Variants in ZNF227 observed in about 807,000 individuals in gnomAD.
ZNF227 encodes the protein zinc finger protein 227.
Under a neutral mutation model 13.2 loss-of-function variants are expected in ZNF227, and 12 were observed. That is an observed-to-expected ratio of 0.91 (90% CI 0.58 to 1.47). The LOEUF is 1.47. ZNF227 is among the 40% of genes most tolerant of loss of function. The pLI, the probability that ZNF227 is intolerant of heterozygous loss-of-function variation, is 0.00. For missense variants in ZNF227, 885 were observed against 967.5 expected (o/e 0.91, Z 1.13); for synonymous variants, 338 against 326.0 (o/e 1.04, Z -0.40).
upstream of ZNF227, among the ~76,000 whole-genome samples, chr19:44,211,813 CTTT>C (rs1176772105): frequency 5.7e-4 from 68 of 119,604 alleles, no homozygotes; most frequent in African/African-American, 1.9e-3. Context: ...TTCCTCTGCC[CTTT>C]TTTTTTTTTT....
rs770856117 is a variant in ZNF227, at chr19:44,236,395, G to A, written c.1965G>A (p.Thr655=). The A allele has an allele frequency of 3.9e-5, 63 of 1,612,026 alleles. No individual in the cohort carries two copies. The highest frequency in any genetic ancestry group is 4.1e-5 in the Non-Finnish European group (48 of 1,179,504). ...TTCAATCCCATCAGAGAGTCCACAC[G>A]GGGGAAAAGCCATACAAATGTGATG... ...SGLQSHQRVH[T]GEKPYKCDVC... Residue 655 remains threonine, a synonymous_variant, in exon 6 of 6, where the codon ACG becomes ACA. Coordinates refer to ENST00000313040, the MANE Select transcript of ZNF227 (RefSeq NM_182490.3).
intron 3 of ZNF227, among the ~76,000 whole-genome samples, chr19:44,220,238 A>G (rs1327812618): frequency 6.6e-6 from 1 of 152,160 alleles, no homozygotes; most frequent in African/African-American, 2.4e-5. Context: ...CAGAATTAAC[A>G]TATGTGTGCA....
chr19:44,223,638 A>G (rs1425921356), intron 3 of ZNF227, among the ~76,000 whole-genome samples: 4 of 151,974 alleles, frequency 2.6e-5, no homozygotes, highest in Non-Finnish European at 4.4e-5. Flanking sequence ...TATTGGGTCT[A>G]TTTGATTCTT....
chr19:44,228,411 T>G, intron 3 of ZNF227, 35 bp from the exon 4 acceptor site: 1 of 1,592,976 alleles, frequency 6.3e-7, no homozygotes, highest in Non-Finnish European at 8.5e-7. Flanking sequence ...GAAGGTTGGT[T>G]GTAAGATTGA....
At chr19:44,229,427 C>T (rs1233358710) in intron 4 of ZNF227, among the ~76,000 whole-genome samples, 1 of 152,144 alleles carries the variant, frequency 6.6e-6, no homozygotes, top group Non-Finnish European at 1.5e-5. Context: ...TCCTGGCCAA[C>T]ATGGTGAAAC....
At chr19:44,217,472 T>C (rs1250976771) in intron 2 of ZNF227, 1 of 553,388 alleles carries the variant, frequency 1.8e-6, no homozygotes, top group East Asian at 4.4e-5. Context: ...GTTACACAGC[T>C]GGTAAGTATC....
At chr19:44,215,848 C>T (rs140188398) in intron 2 of ZNF227, among the ~76,000 whole-genome samples, 44 of 151,862 alleles carry the variant, frequency 2.9e-4, no homozygotes, top group African/African-American at 6.3e-4. Flanking sequence ...ATTAGCCAGA[C>T]GTGGTGGTGC....
In ZNF227 at chr19:44,237,013, T is replaced by G. The variant is rs1974581750; in HGVS notation, c.*183T>G. Reference sequence around the variant, plus strand: ...ACCATGAACAGGAATAGAACTCGTATTTAGGGGAGAAATAGGGCTGGTGGC... The same window carrying G: ...ACCATGAACAGGAATAGAACTCGTAGTTAGGGGAGAAATAGGGCTGGTGGC... On this transcript the variant is annotated 3_prime_UTR_variant, in exon 6 of 6. Transcript: ENST00000313040. The G allele has an allele frequency of 2.6e-5, 14 of 542,686 alleles. No homozygotes were observed. The highest frequency in any genetic ancestry group is 6.0e-5 in the East Asian group (2 of 33,490). 33.6% of individuals were successfully genotyped at this position (542,686 alleles called of 1,614,324 possible). A position where few individuals can be genotyped will look rare whatever the true frequency, so the allele number is the denominator to read the frequency against.
Position 44,235,962 on chromosome 19 carries a change from A to G in ZNF227, c.1532A>G (p.Gln511Arg). Residue 511 changes from glutamine (Q) to arginine (R), a missense_variant, in exon 6 of 6, where the codon CAG becomes CGG. Gln to Arg is a conservative substitution (Grantham distance 43). Transcript: ENST00000313040. ...CAGGCTTCAAATCTTCAAGTCCATC[A>G]GAATGTCCACACTGGGGAGAAACGA... ...FSQASNLQVH[Q>R]NVHTGEKRFK... 3 of 1,614,034 alleles carry G rather than the reference A, an allele frequency of 1.9e-6. No individual in the cohort carries two copies. Among genetic ancestry groups the G allele is most frequent in the Non-Finnish European group, 8.5e-7 (1 of 1,180,006 alleles).
At chr19:44,219,075 C>T (rs183439425) in intron 3 of ZNF227, among the ~76,000 whole-genome samples, 2 of 152,206 alleles carry the variant, frequency 1.3e-5, no homozygotes, top group Admixed American at 6.5e-5. Flanking sequence ...TTATTAGAGA[C>T]GGGGTTTCAC....
chr19:44,212,685 CGGCCGCGGCGGAGGCCGA>C (rs1340560619), intron 1 of ZNF227, 100 bp downstream of exon 1: 1 of 152,152 alleles, frequency 6.6e-6, no homozygotes. Context: ...GGAGAGGTCG[CGGCCGCGGCGGAGGCCGA>C]GAGGCCGAGG....
chr19:44,216,399 A>G (rs2122688943), intron 2 of ZNF227, among the ~76,000 whole-genome samples: 1 of 152,144 alleles, frequency 6.6e-6, no homozygotes, highest in Non-Finnish European at 1.5e-5. Flanking sequence ...TTTTCTTTCT[A>G]GGAGCTTTAA....
At chr19:44,227,247 A>T (rs949473964) in intron 3 of ZNF227, 2 of 152,028 alleles carry the variant, frequency 1.3e-5, no homozygotes, top group African/African-American at 4.8e-5. Flanking sequence ...TTTAATTCTA[A>T]AAATTTATTT....
chr19:44,215,541 A>C (rs1187140011), intron 2 of ZNF227, among the ~76,000 whole-genome samples: 1 of 147,148 alleles, frequency 6.8e-6, no homozygotes, highest in Admixed American at 6.8e-5. Context: ...TTTTTTGTTC[A>C]GTTTATTCCC....
At chr19:44,208,421 T>C (rs1464974756), upstream of ZNF227, among the ~76,000 whole-genome samples, 1 of 152,222 alleles carries the variant, frequency 6.6e-6, no homozygotes, top group African/African-American at 2.4e-5. Context: ...CTTGCAGTGA[T>C]AGGGACAGTG....
At chr19:44,229,082 T>C (rs976188532) in intron 4 of ZNF227, 2 of 156,204 alleles carry the variant, frequency 1.3e-5, no homozygotes, top group African/African-American at 2.4e-5. Context: ...GGCTTTTTTT[T>C]CAATGAAATA....
chr19:44,224,043 A>G (rs1363499339), intron 3 of ZNF227, among the ~76,000 whole-genome samples: 2 of 152,202 alleles, frequency 1.3e-5, no homozygotes, highest in Non-Finnish European at 2.9e-5. Flanking sequence ...ATTCAGGAGC[A>G]GGTTGTTCAG....
Position 44,236,213 on chromosome 19 carries a change from CAA to C in ZNF227, c.1785_1786del (p.Arg596SerfsTer9), listed in dbSNP as rs750922315. On this transcript the variant is annotated frameshift_variant, in exon 6 of 6. Coordinates refer to ENST00000313040, the MANE Select transcript of ZNF227 (RefSeq NM_182490.3). LOFTEE classifies it low-confidence loss of function (END_TRUNC). ...TTGGAGATCAAATCTTCATGCACAT[CAA>C]AGAGTTCACTCAGGAGAAAAACCCT... ...FSWRSNLHAH[Q>X]RVHSGEKPYK... is the part of the protein sequence containing the mutation. The C allele has an allele frequency of 6.2e-7, 1 of 1,614,072 alleles. No individual in the cohort carries two copies. The highest frequency in any genetic ancestry group is 8.5e-7 in the Non-Finnish European group (1 of 1,180,028).
chr19:44,215,111 C>G (rs1029779906), intron 2 of ZNF227, among the ~76,000 whole-genome samples: 2 of 151,894 alleles, frequency 1.3e-5, no homozygotes, highest in Non-Finnish European at 2.9e-5. Flanking sequence ...GAAACTGGTC[C>G]CTGGTGCCAA....
Sources: allele counts gnomAD v4.1 joint callset (sites outside exome capture counted in the v4.1 genomes callset), GRCh38; gene constraint gnomAD v4.1.1; transcripts MANE v1.5; gene names NCBI Gene and HGNC (gene_info 2026-07-23, HGNC 2026-07-21).